Variants in PPP6R1 observed in about 807,000 individuals in gnomAD.
PPP6R1 encodes the protein protein phosphatase 6 regulatory subunit 1.
In PPP6R1, 39 loss-of-function variants were observed where a neutral mutation model predicts 104.6. That is an observed-to-expected ratio of 0.37 (90% CI 0.29 to 0.49). PPP6R1 has a LOEUF of 0.49. Ranked by LOEUF, PPP6R1 falls within the 20% of genes least tolerant of loss-of-function variation. PPP6R1 has a pLI of 0.98. For missense variants in PPP6R1, 1,181 were observed against 1,155.8 expected (o/e 1.02, Z -0.32); for synonymous variants, 549 against 479.0 (o/e 1.15, Z -1.91).
chr19:55,240,857 G>A, intron 10 of PPP6R1, 88 bp downstream of exon 10: 1 of 1,497,892 alleles, frequency 6.7e-7, no homozygotes, highest in East Asian at 2.4e-5. Context: ...ACACTTGTGG[G>A]AGGAAGGAGT....
At chr19:55,242,728 C>T (rs544117065) in intron 5 of PPP6R1, 2 of 515,540 alleles carry the variant, frequency 3.9e-6, no homozygotes, top group Admixed American at 6.4e-5. Flanking sequence ...GCCCTCATGA[C>T]CGCATACAGG....
At chr19:55,232,614 G>A (rs1037221664) in intron 17 of PPP6R1, 159 of 168,786 alleles carry the variant, frequency 9.4e-4, no homozygotes, top group Non-Finnish European at 1.7e-3. Context: ...CCACCCTCTG[G>A]ACAGAGGCTT....
chr19:55,256,103 A>G (rs962344284), intron 1 of PPP6R1, among the ~76,000 whole-genome samples: 1 of 152,218 alleles, frequency 6.6e-6, no homozygotes, highest in Non-Finnish European at 1.5e-5. Flanking sequence ...GGGCAGGGGG[A>G]CCAGACAAGC....
At position 55,254,279 on chromosome 19, in the gene PPP6R1, G is replaced by C. The variant is rs557699165; in HGVS notation, c.-7+4156C>G. Among the ~76,000 whole-genome samples the C allele has an allele frequency of 3.3e-5, 5 of 152,334 alleles. No homozygotes were observed. The East Asian group carries it at 9.6e-4, about 29-fold the overall frequency. Reference sequence around the variant, plus strand: ...CTACCGTTTGAAAACCATGAGTCTGGCTGCAAACGGAAGAAGGGGAAATTG... The same window carrying C: ...CTACCGTTTGAAAACCATGAGTCTGCCTGCAAACGGAAGAAGGGGAAATTG... On this transcript the variant is annotated intron_variant, in intron 1 of 23. Coordinates refer to ENST00000412770, the MANE Select transcript of PPP6R1 (RefSeq NM_014931.4).
rs563793387 is a variant in PPP6R1, at chr19:55,258,988, C to G, written c.-560G>C. 27 of 152,102 alleles carry G rather than the reference C, an allele frequency of 1.8e-4. No individual in the cohort carries two copies. The highest frequency in any genetic ancestry group is 1.8e-3 in the Admixed American group (27 of 15,276). The allele number at this position is 152,102 out of a possible 1,614,324, so 9.4% of individuals were successfully genotyped here. ...GCGGCCGGCCTCAGGGCCTCCGACG[C>G]CCGGCTCCCTCCGCCACTATCCCAC... On this transcript the variant is annotated 5_prime_UTR_variant, in exon 1 of 24. Transcript: ENST00000412770.
At position 55,231,657 on chromosome 19, in the gene PPP6R1, G is replaced by C; in HGVS notation, c.2318C>G (p.Pro773Arg). The change falls in exon 20 of 24, where the codon CCC becomes CGC. Residue 773 changes from proline to arginine, a missense_variant. Physicochemically the swap from Pro to Arg is moderately radical, Grantham distance 103 (BLOSUM62 -2). Around this residue, in one of 2 missense-constraint regions of PPP6R1, gnomAD observed 1,042 missense variants for 955.6 expected, o/e 1.09. Transcript: ENST00000412770. ...TTCCTGAGGTGCTGAGGGGGGTGTG[G>C]GGTCCTGAGACCTGGTAGGCGAGAG... ...RDALQLRSQD[P>R]TPPSAPQEAT... 1 of 1,608,858 alleles carries C rather than the reference G, an allele frequency of 6.2e-7. No individual in the cohort carries two copies. Among genetic ancestry groups the C allele is most frequent in the South Asian group, 1.1e-5 (1 of 90,224 alleles).
chr19:55,230,519 A>G lies in PPP6R1; in HGVS notation c.*9T>C. On this transcript the variant is annotated 3_prime_UTR_variant, in exon 24 of 24. Transcript: ENST00000412770. ...CGGAAGATTTGGCCGCCGCTGCCGC[A>G]CCAGGCAGCTATCTGGAAACAGAGG... 6.2e-7 allele frequency: 1 copy of G among 1,613,352 alleles called. No individual in the cohort carries two copies. The highest frequency in any genetic ancestry group is 8.5e-7 in the Non-Finnish European group (1 of 1,179,782).
intron 22 of PPP6R1, 24 bp downstream of exon 22, chr19:55,230,750 C>CCCCCCCCCG: frequency 6.8e-7 from 1 of 1,473,478 alleles, no homozygotes; most frequent in Non-Finnish European, 9.1e-7. Flanking sequence ...CCCCACCCCC[C>CCCCCCCCCG]CGCCCTGCTG....
Position 55,245,122 on chromosome 19 carries a change from T to A in PPP6R1, c.616A>T (p.Asn206Tyr), listed in dbSNP as rs768296921. 8.1e-6 allele frequency: 13 copies of A among 1,613,346 alleles called. No individual in the cohort carries two copies. The highest frequency in any genetic ancestry group is 9.3e-6 in the Non-Finnish European group (11 of 1,179,708). ...IEQIHPSKDE[N>Y]QHSNASQSLC... ...GCAGGGGCATCGGCAGCACTCACAT[T>A]CTCATCCTTCGACGGGTGGATCTGC... The change falls in exon 5 of 24, where the codon AAT becomes TAT. Residue 206 changes from asparagine to tyrosine, a missense_variant and splice_region_variant. Physicochemically the swap from Asn to Tyr is moderately radical, Grantham distance 143 (BLOSUM62 -2). This residue lies in a region of PPP6R1 where 1,042 missense variants were observed against 955.6 expected (regional missense o/e 1.09). Transcript: ENST00000412770. This position sits in a 1 kb window ranked among gnomAD's most constrained non-coding sequence, Gnocchi z 6.4.
At chr19:55,247,206 A>C in intron 1 of PPP6R1, 97 bp from the exon 2 acceptor site, 1 of 1,287,626 alleles carries the variant, frequency 7.8e-7, no homozygotes, top group Non-Finnish European at 1.1e-6. Context: ...CACCTTGGGC[A>C]CAGCCTCTCC....
rs761959532 is a variant in PPP6R1, at chr19:55,236,611, G to A, written c.1988+32C>T. On this transcript the variant is annotated intron_variant, in intron 17 of 23. Transcript: ENST00000412770. ...CCCTTGGCCCTGCCGTGTGGTGGAA[G>A]CTTGGAGAAGGGAAACTGGAGGGGG... The A allele has an allele frequency of 6.7e-6, 10 of 1,493,076 alleles. No homozygotes were observed. In the Admixed American group the frequency reaches 1.7e-4, roughly 26 times the overall value. 92.5% of individuals were successfully genotyped at this position (1,493,076 alleles called of 1,614,324 possible). A position where few individuals can be genotyped will look rare whatever the true frequency, so the allele number is the denominator to read the frequency against.
rs568700125 is a variant in PPP6R1, at chr19:55,231,592, G to A, written c.2377+6C>T. The A allele has an allele frequency of 2.6e-5, 42 of 1,609,842 alleles. No individual in the cohort carries two copies. Among genetic ancestry groups the A allele is most frequent in the Admixed American group, 2.0e-4 (12 of 59,470 alleles). ...CCGCGGGTGGGCAGGGCAAAGCGGG[G>A]CTCACCTGAGGGCTCCGTGACTTTG... On this transcript the variant is annotated splice_donor_region_variant and intron_variant, in intron 20 of 23. Coordinates refer to ENST00000412770, the MANE Select transcript of PPP6R1 (RefSeq NM_014931.4).
chr19:55,236,832 CA>C lies in PPP6R1; in HGVS notation c.1810-12del. The C allele has an allele frequency of 2.5e-6, 4 of 1,613,728 alleles. No individual in the cohort carries two copies. Among genetic ancestry groups the C allele is most frequent in the South Asian group, 2.2e-5 (2 of 91,058 alleles). On this transcript the variant is annotated splice_polypyrimidine_tract_variant and intron_variant, in intron 16 of 23. Transcript: ENST00000412770. ...TAGGTTGGCGTTGGGCTGCAGGGCA[CA>C]GGGGTGGGAGGATGGGCCACACTGC...
intron 1 of PPP6R1, among the ~76,000 whole-genome samples, chr19:55,257,325 T>C (rs2087600579): frequency 6.6e-6 from 1 of 152,214 alleles, no homozygotes; most frequent in Non-Finnish European, 1.5e-5. Flanking sequence ...TCTCTACAAC[T>C]GTGAACCCAG....
intron 17 of PPP6R1, among the ~76,000 whole-genome samples, chr19:55,235,150 A>G (rs1196649834): frequency 6.6e-6 from 1 of 152,154 alleles, no homozygotes; most frequent in Non-Finnish European, 1.5e-5. Context: ...TCAGGCTGTC[A>G]AATCTACATG....
In PPP6R1 at chr19:55,231,823, G is replaced by T; in HGVS notation, c.2285C>A (p.Ala762Asp). ...LPTQSLASPP[A>D]RDALQLRSQD... Reference sequence around the variant, plus strand: ...TCACCTGAGCTGCAGGGCGTCACGGGCAGGAGGGCTGGCCAGGCTCTGAGT... The same window carrying T: ...TCACCTGAGCTGCAGGGCGTCACGGTCAGGAGGGCTGGCCAGGCTCTGAGT... Residue 762 changes from alanine (A) to aspartate (D), a missense_variant, in exon 19 of 24, where the codon GCC becomes GAC. Around this residue, in one of 2 missense-constraint regions of PPP6R1, gnomAD observed 1,042 missense variants for 955.6 expected, o/e 1.09. Coordinates refer to ENST00000412770, the MANE Select transcript of PPP6R1 (RefSeq NM_014931.4). The T allele has an allele frequency of 6.7e-7, 1 of 1,502,430 alleles. No homozygotes were observed. 93.1% of individuals were successfully genotyped at this position (1,502,430 alleles called of 1,614,324 possible).
At chr19:55,234,548 A>T (rs1016358385) in intron 17 of PPP6R1, among the ~76,000 whole-genome samples, 1 of 152,198 alleles carries the variant, frequency 6.6e-6, no homozygotes, top group Non-Finnish European at 1.5e-5. Context: ...TAATGCTATA[A>T]AACTCTTAGA....
chr19:55,231,817 T>C lies in PPP6R1; in HGVS notation c.2291A>G (p.Asp764Gly). Reference protein sequence around the residue: ...TQSLASPPARDALQLRSQDPT... With the variant: ...TQSLASPPARGALQLRSQDPT... ...CGGTTCTCACCTGAGCTGCAGGGCG[T>C]CACGGGCAGGAGGGCTGGCCAGGCT... is the stretch of plus-strand genomic sequence containing the variant. Residue 764 changes from aspartate (D) to glycine (G), a missense_variant, in exon 19 of 24, where the codon GAC (aspartate) becomes GGC (glycine). Coordinates refer to ENST00000412770, the MANE Select transcript of PPP6R1 (RefSeq NM_014931.4). The C allele has an allele frequency of 6.7e-7, 1 of 1,501,662 alleles. No homozygotes were observed. 93.0% of individuals were successfully genotyped at this position (1,501,662 alleles called of 1,614,324 possible). A position where few individuals can be genotyped will look rare whatever the true frequency, so the allele number is the denominator to read the frequency against.
Position 55,258,511 on chromosome 19 carries a change from G to A in PPP6R1, c.-83C>T, listed in dbSNP as rs1310716183. 1.3e-5 allele frequency: 2 copies of A among 149,564 alleles called. No homozygotes were observed. The highest frequency in any genetic ancestry group is 1.5e-5 in the Non-Finnish European group (1 of 67,214). 9.3% of individuals were successfully genotyped at this position (149,564 alleles called of 1,614,324 possible). A position where few individuals can be genotyped will look rare whatever the true frequency, so the allele number is the denominator to read the frequency against. ...CCCCCGCCCCGCCGCCGGCGGCTCCGGCCCCTGCTGCGGGGCCCGGTGAGT... is the reference window on the plus strand; with the variant it reads ...CCCCCGCCCCGCCGCCGGCGGCTCCAGCCCCTGCTGCGGGGCCCGGTGAGT... On this transcript the variant is annotated 5_prime_UTR_variant, in exon 1 of 24. Coordinates refer to ENST00000412770, the MANE Select transcript of PPP6R1 (RefSeq NM_014931.4).
Sources: gnomAD v4.1 joint callset for allele counts (sites outside exome capture counted in the v4.1 genomes callset) on GRCh38, gnomAD v4.1.1 for gene constraint, gnomAD v4.1.1 regional missense constraint, Gnocchi (gnomAD v3.1) non-coding constraint, MANE v1.5 for transcripts, NCBI Gene and HGNC (gene_info 2026-07-23, HGNC 2026-07-21) for gene names.